Variants in FUCA1 observed in about 807,000 individuals in gnomAD.
FUCA1 encodes alpha-L-fucosidase 1.
A neutral mutation model predicts 56.8 loss-of-function variants in FUCA1; 52 were observed. That is an observed-to-expected ratio of 0.92 (90% CI 0.73 to 1.15). FUCA1 has a LOEUF of 1.15. Among genes scored for constraint, FUCA1 ranks in the 50% most tolerant of loss-of-function variants. FUCA1 has a pLI of 0.00. For missense variants in FUCA1, 568 were observed against 592.6 expected (o/e 0.96, Z 0.43); for synonymous variants, 230 against 226.6 (o/e 1.02, Z -0.14).
chr1:23,853,044 C>T (rs1396905721), intron 5 of FUCA1, among the ~76,000 whole-genome samples: 4 of 145,758 alleles, frequency 2.7e-5, no homozygotes, highest in East Asian at 2.0e-4. Context: ...CACCTCTTCC[C>T]GGCCGCCATC....
chr1:23,845,914 A>C, intron 7 of FUCA1, 59 bp from the exon 8 acceptor site: 5 of 1,606,002 alleles, frequency 3.1e-6, no homozygotes, highest in Non-Finnish European at 4.3e-6. Context: ...TATAGAATAC[A>C]GGCTGACTAT....
Position 23,863,887 on chromosome 1 carries a change from T to C in FUCA1, c.525-616A>G, listed in dbSNP as rs538904755. On this transcript the variant is annotated intron_variant, in intron 2 of 7. Transcript: ENST00000374479. ...CAAAACAAAACAAAACAAAAAACCA[T>C]ATAGCCTTATTTTTAAAAAATGTCT... 5.3e-5 allele frequency among the ~76,000 whole-genome samples: 8 copies of C among 151,966 alleles called. No individual in the cohort carries two copies. In the East Asian group the frequency reaches 1.6e-3, roughly 30 times the overall value.
chr1:23,865,563 C>T lies in FUCA1; in HGVS notation c.452G>A (p.Trp151Ter). 6.2e-7 allele frequency: 1 copy of T among 1,614,162 alleles called. No homozygotes were observed. The highest frequency in any genetic ancestry group is 8.5e-7 in the Non-Finnish European group (1 of 1,180,038). The change falls in exon 2 of 8, where the codon TGG becomes TAG. Residue 151 changes from tryptophan (W) to a stop codon, truncating the protein, a stop_gained. Transcript: ENST00000374479. LOFTEE classifies it high-confidence loss of function. ...CCCCACGTCTTTGGAGTTCCAGTTCCAAGACACAGGACTCGGCCAGTTTGT... is the reference window on the plus strand; with the variant it reads ...CCCCACGTCTTTGGAGTTCCAGTTCTAAGACACAGGACTCGGCCAGTTTGT... ...GFTNWPSPVSWNWNSKDVGPH... is the reference protein window; with the variant it reads ...GFTNWPSPVS
chr1:23,864,405 C>T (rs571352512), intron 2 of FUCA1, among the ~76,000 whole-genome samples: 12 of 152,156 alleles, frequency 7.9e-5, no homozygotes, highest in African/African-American at 2.6e-4. Context: ...TAGTTCTTAA[C>T]GTACACAAAA....
At chr1:23,854,659 G>A (rs1639354715) in intron 4 of FUCA1, 99 bp from the exon 5 acceptor site, 1 of 990,188 alleles carries the variant, frequency 1.0e-6, no homozygotes, top group Admixed American at 1.8e-5. Context: ...AAGAAACTTA[G>A]TCTAGAGCAG....
At chr1:23,857,413 G>C (rs1345649012) in intron 4 of FUCA1, among the ~76,000 whole-genome samples, 1 of 152,016 alleles carries the variant, frequency 6.6e-6, no homozygotes, top group East Asian at 1.9e-4. Context: ...AGACAATTAC[G>C]ATATGACATC....
intron 2 of FUCA1, 125 bp downstream of exon 2, chr1:23,865,366 G>A: frequency 1.6e-6 from 2 of 1,253,536 alleles, no homozygotes; most frequent in Admixed American, 1.8e-5. Flanking sequence ...AGGAGTAGAA[G>A]GCCAAAAGCC....
chr1:23,864,150 A>C (rs1045600024), intron 2 of FUCA1, among the ~76,000 whole-genome samples: 2 of 145,052 alleles, frequency 1.4e-5, no homozygotes, highest in African/African-American at 2.6e-5. Flanking sequence ...GCAGTGGCGC[A>C]ATCTCGGCTC....
intron 4 of FUCA1, among the ~76,000 whole-genome samples, chr1:23,857,001 A>AG (rs1186547889): frequency 6.6e-6 from 1 of 151,684 alleles, no homozygotes; most frequent in Non-Finnish European, 1.5e-5. Context: ...CAAAAAAAAA[A>AG]GAAAAGAAAA....
In FUCA1 at chr1:23,867,866, G is replaced by T. The variant is rs775880403; in HGVS notation, c.389+32C>A. The T allele has an allele frequency of 6.5e-7, 1 of 1,531,724 alleles. No individual in the cohort carries two copies. Among genetic ancestry groups the T allele is most frequent in the South Asian group, 1.2e-5 (1 of 83,128 alleles). 94.9% of individuals were successfully genotyped at this position (1,531,724 alleles called of 1,614,324 possible). A position where few individuals can be genotyped will look rare whatever the true frequency, so the allele number is the denominator to read the frequency against. On this transcript the variant is annotated intron_variant, in intron 1 of 7. Transcript: ENST00000374479. The surrounding 1 kb of genome is among the most constrained non-coding windows in gnomAD (Gnocchi z 4.9). ...ACCTCCTGTTTGCCGCCCGAGCCGGGAAGGGGCGCCGCTCCCCGGGACCAC... is the reference window on the plus strand; with the variant it reads ...ACCTCCTGTTTGCCGCCCGAGCCGGTAAGGGGCGCCGCTCCCCGGGACCAC...
chr1:23,854,481 A>G lies in FUCA1; in HGVS notation c.848T>C (p.Phe283Ser). The G allele has an allele frequency of 6.2e-7, 1 of 1,614,118 alleles. No homozygotes were observed. Among genetic ancestry groups the G allele is most frequent in the East Asian group, 2.2e-5 (1 of 44,888 alleles). The change falls in exon 5 of 8, where the codon TTC (phenylalanine) becomes TCC (serine). Residue 283 changes from phenylalanine (F) to serine (S), a missense_variant. By Grantham distance (155) the Phe-to-Ser change is radical. Coordinates refer to ENST00000374479, the MANE Select transcript of FUCA1 (RefSeq NM_000147.5). ...GTGATCTGGCAAGCTCTGTGGCTTG[A>G]ATTTATCTTCACAGTTATAGTATCC... ...HGGYYNCEDK[F>S]KPQSLPDHKW...
In FUCA1 at chr1:23,852,233, C is replaced by A. The variant is rs985198261; in HGVS notation, c.969+2127G>T. Among the ~76,000 whole-genome samples the A allele has an allele frequency of 2.6e-5, 4 of 151,764 alleles. No homozygotes were observed. In the East Asian group the frequency reaches 5.8e-4, roughly 22 times the overall value. ...GCCAGGAGTTTGAGACCAGCCTGGG[C>A]AACATAGCAAGACCCTGTCTCTACA... On this transcript the variant is annotated intron_variant, in intron 5 of 7. Transcript: ENST00000374479.
intron 6 of FUCA1, among the ~76,000 whole-genome samples, chr1:23,846,922 C>T (rs1454161076): frequency 6.6e-6 from 1 of 151,788 alleles, no homozygotes; most frequent in East Asian, 1.9e-4. Context: ...TGCTGTGTTG[C>T]CCAACACAAC....
At chr1:23,855,465 C>G (rs1639372537) in intron 4 of FUCA1, among the ~76,000 whole-genome samples, 1 of 152,206 alleles carries the variant, frequency 6.6e-6, no homozygotes, top group Non-Finnish European at 1.5e-5. Context: ...CCACTGCACT[C>G]CAGCCTAGGC....
intron 5 of FUCA1, among the ~76,000 whole-genome samples, chr1:23,851,237 G>T (rs1384981762): frequency 6.6e-6 from 1 of 152,152 alleles, no homozygotes; most frequent in Non-Finnish European, 1.5e-5. Flanking sequence ...GGTGGCACGT[G>T]CCTGTATTCC....
intron 5 of FUCA1, among the ~76,000 whole-genome samples, chr1:23,852,296 C>T (rs567076464): frequency 1.3e-5 from 2 of 152,058 alleles, no homozygotes; most frequent in African/African-American, 2.4e-5. Flanking sequence ...AGGTGCACAC[C>T]TGTAGTTCTA....
chr1:23,855,880 C>T (rs903846545), intron 4 of FUCA1, among the ~76,000 whole-genome samples: 2 of 152,178 alleles, frequency 1.3e-5, no homozygotes, highest in Admixed American at 1.3e-4. Context: ...TCAACAACTA[C>T]CATGGGGCTC....
intron 4 of FUCA1, among the ~76,000 whole-genome samples, chr1:23,858,343 A>C (rs560223549): frequency 1.3e-5 from 2 of 152,224 alleles, no homozygotes; most frequent in Admixed American, 1.3e-4. Flanking sequence ...CTGGGATTAC[A>C]GGCGTGAGCC....
intron 3 of FUCA1, among the ~76,000 whole-genome samples, chr1:23,861,287 T>C (rs1475354639): frequency 2.8e-4 from 34 of 123,088 alleles, no homozygotes; most frequent in Admixed American, 2.1e-3. Flanking sequence ...TGCGCCACTG[T>C]ACTCCAGCCT....
Sources: gnomAD v4.1 joint callset for allele counts (sites outside exome capture counted in the v4.1 genomes callset) on GRCh38, gnomAD v4.1.1 for gene constraint, Gnocchi (gnomAD v3.1) non-coding constraint, MANE v1.5 for transcripts, NCBI Gene and HGNC (gene_info 2026-07-23, HGNC 2026-07-21) for gene names.